VDAC1: variants seen among roughly 807,000 people sequenced by gnomAD.
The protein encoded by VDAC1 is non-selective voltage-gated ion channel VDAC1.
In VDAC1, 10 loss-of-function variants were observed where a neutral mutation model predicts 34.7. The ratio of observed to expected loss-of-function variants is 0.29; its 90% confidence interval spans 0.18 to 0.49. The LOEUF is 0.49. VDAC1 is among the 20% of genes least tolerant of loss of function. VDAC1 has a pLI of 0.99. For synonymous variants in VDAC1, 130 were observed against 136.0 expected (o/e 0.96, Z 0.30); for missense variants, 230 against 347.9 (o/e 0.66, Z 2.69).
chr5:133,985,484 T>C (rs190409058), intron 5 of VDAC1, among the ~76,000 whole-genome samples: 120 of 152,158 alleles, frequency 7.9e-4, no homozygotes, highest in Non-Finnish European at 1.4e-3. Flanking sequence ...AAAAACCCTG[T>C]CTCTACTAAA....
At chr5:134,006,532 C>T (rs547178459), upstream of VDAC1, among the ~76,000 whole-genome samples, 44 of 152,208 alleles carry the variant, frequency 2.9e-4, no homozygotes, top group Non-Finnish European at 4.9e-4. Context: ...CACTTGAGGC[C>T]AGGACTTCGA....
the VDAC1 span, among the ~76,000 whole-genome samples, chr5:134,021,225 A>T: frequency 6.6e-6 from 1 of 151,742 alleles, no homozygotes; most frequent in African/African-American, 2.4e-5. Flanking sequence ...TTTACAGTAC[A>T]TGTGCACAAT....
chr5:133,997,837 G>C (rs1396610896), intron 1 of VDAC1, among the ~76,000 whole-genome samples: 1 of 152,080 alleles, frequency 6.6e-6, no homozygotes, highest in East Asian at 1.9e-4. Context: ...GCCGAGGTGG[G>C]CGGGTCACCT....
the VDAC1 span, among the ~76,000 whole-genome samples, chr5:134,084,255 C>A: frequency 1.3e-5 from 2 of 152,098 alleles, no homozygotes; most frequent in Non-Finnish European, 2.9e-5. Flanking sequence ...AGGGGAGGTG[C>A]CGAGGTAGGA....
chr5:133,992,993 T>A lies in VDAC1; in HGVS notation c.20A>T (p.Tyr7Phe), dbSNP rs1286099642. The A allele has an allele frequency of 1.9e-6, 3 of 1,613,522 alleles. No individual in the cohort carries two copies. The Admixed American group carries it at 5.0e-5, about 27-fold the overall frequency. The change falls in exon 2 of 9, where the codon TAT (tyrosine) becomes TTT (phenylalanine). Residue 7 changes from tyrosine to phenylalanine, a missense_variant. Physicochemically the swap from Tyr to Phe is conservative, Grantham distance 22. Coordinates refer to ENST00000265333, the MANE Select transcript of VDAC1 (RefSeq NM_003374.3). MAVPPT[Y>F]ADLGKSARDV... ...CCTGGCAGATTTGCCAAGATCGGCA[T>A]ACGTGGGTGGCACAGCCATCTTCTG...
At chr5:134,097,319 G>A in the VDAC1 span, among the ~76,000 whole-genome samples, 2 of 152,164 alleles carry the variant, frequency 1.3e-5, no homozygotes, top group Non-Finnish European at 1.5e-5. Context: ...ACATGTTAAG[G>A]ACTCAGAATG....
At chr5:133,974,105 C>T (rs1752392620) in intron 7 of VDAC1, among the ~76,000 whole-genome samples, 1 of 152,162 alleles carries the variant, frequency 6.6e-6, no homozygotes, top group Non-Finnish European at 1.5e-5. Context: ...CTCTTAGGGG[C>T]CAGTGTCCTT....
the VDAC1 span, among the ~76,000 whole-genome samples, chr5:134,102,366 T>C: frequency 9.0e-6 from 1 of 111,312 alleles, no homozygotes; most frequent in Non-Finnish European, 1.8e-5. Flanking sequence ...TATTTCCACC[T>C]GCATTTTAAA....
the VDAC1 span, among the ~76,000 whole-genome samples, chr5:134,051,886 C>T: frequency 1.1e-4 from 17 of 151,908 alleles, no homozygotes; most frequent in South Asian, 2.1e-4. Flanking sequence ...TTTGTAGAGA[C>T]GGGGTTTCAC....
chr5:134,084,299 T>C, the VDAC1 span, among the ~76,000 whole-genome samples: 2 of 152,126 alleles, frequency 1.3e-5, no homozygotes, highest in Non-Finnish European at 2.9e-5. Flanking sequence ...CAGGGCCTCC[T>C]CCTCTGAAAG....
the VDAC1 span, among the ~76,000 whole-genome samples, chr5:134,083,761 T>C: frequency 6.6e-6 from 1 of 152,220 alleles, no homozygotes; most frequent in Non-Finnish European, 1.5e-5. Flanking sequence ...CTCTGGCCTG[T>C]AGGACTCAGA....
At chr5:134,088,906 A>G in the VDAC1 span, among the ~76,000 whole-genome samples, 1 of 152,232 alleles carries the variant, frequency 6.6e-6, no homozygotes, top group Non-Finnish European at 1.5e-5. Flanking sequence ...TCAATCACAC[A>G]CATCCATTCA....
chr5:134,008,440 T>A (rs573491555), upstream of VDAC1, among the ~76,000 whole-genome samples: 2 of 152,376 alleles, frequency 1.3e-5, no homozygotes, highest in South Asian at 4.1e-4. Flanking sequence ...AAATGAGATT[T>A]TTCTTTCATT....
At chr5:134,004,047 A>C (rs2127037904) in intron 1 of VDAC1, among the ~76,000 whole-genome samples, 1 of 152,318 alleles carries the variant, frequency 6.6e-6, no homozygotes, top group East Asian at 1.9e-4. Context: ...TCTACCGCCT[A>C]AGTCGACTCT....
the VDAC1 span, among the ~76,000 whole-genome samples, chr5:134,081,713 A>C: frequency 5.9e-5 from 9 of 152,280 alleles, no homozygotes; most frequent in East Asian, 1.4e-3. Context: ...GAAGAAGGAT[A>C]TGGTAAGAGG....
At chr5:133,997,250 G>T (rs1753350278) in intron 1 of VDAC1, among the ~76,000 whole-genome samples, 1 of 152,096 alleles carries the variant, frequency 6.6e-6, no homozygotes, top group African/African-American at 2.4e-5. Flanking sequence ...CCCCACTGTA[G>T]CAACCAAGGC....
chr5:134,044,701 G>A, the VDAC1 span, among the ~76,000 whole-genome samples: 1 of 152,164 alleles, frequency 6.6e-6, no homozygotes, highest in Non-Finnish European at 1.5e-5. Flanking sequence ...ATCTGGGTAT[G>A]CATCTAGGTA....
At chr5:134,022,945 A>T in the VDAC1 span, among the ~76,000 whole-genome samples, 2 of 152,162 alleles carry the variant, frequency 1.3e-5, no homozygotes, top group African/African-American at 4.8e-5. Context: ...AACCAGAAAT[A>T]CCATTTGACC....
the VDAC1 span, among the ~76,000 whole-genome samples, chr5:134,100,522 C>T: frequency 6.6e-6 from 1 of 152,172 alleles, no homozygotes; most frequent in Admixed American, 6.5e-5. Flanking sequence ...AGCCTGGGAC[C>T]CAGCCTGCAG....
Sources: gnomAD v4.1 joint callset for allele counts (sites outside exome capture counted in the v4.1 genomes callset) on GRCh38, gnomAD v4.1.1 for gene constraint, MANE v1.5 for transcripts, NCBI Gene and HGNC (gene_info 2026-07-23, HGNC 2026-07-21) for gene names.